Variants in ERMAP observed in about 807,000 individuals in gnomAD.
The protein encoded by ERMAP is erythroblast membrane associated protein (Scianna blood group).
ERMAP carries 34 observed loss-of-function variants against 49.5 expected under a neutral mutation model. The ratio of observed to expected loss-of-function variants is 0.69; its 90% CI spans 0.52 to 0.91. The LOEUF (loss-of-function observed/expected upper bound fraction) is 0.91, where lower values mean the gene tolerates loss of function less well. ERMAP is among the 40% of genes least tolerant of loss of function. The pLI is 0.00. For synonymous variants in ERMAP, 214 were observed against 232.2 expected, an observed-to-expected ratio of 0.92 and a Z score of 0.71; for missense variants, 541 against 582.6, an observed-to-expected ratio of 0.93 and a Z score of 0.74.
intron 4 of ERMAP, 158 bp from the exon 5 acceptor site, chr1:42,834,880 G>C (rs1654846682): frequency 7.8e-6 from 5 of 643,408 alleles, no homozygotes; most frequent in Non-Finnish European, 1.4e-5. Flanking sequence ...GCTATCCAGG[G>C]CTTGAGTTAT....
At chr1:42,835,871 G>A (rs1333754998) in intron 6 of ERMAP, 107 bp downstream of exon 6, 3 of 1,484,018 alleles carry the variant, frequency 2.0e-6, no homozygotes, top group Admixed American at 2.6e-5. Flanking sequence ...TCCATTATCT[G>A]CTATCCTTGG....
Position 42,830,551 on chromosome 1 carries a change from T to G in ERMAP, c.85+18T>G. The G allele has an allele frequency of 1.2e-6, 2 of 1,609,074 alleles. No homozygotes were observed. Among genetic ancestry groups the G allele is most frequent in the Non-Finnish European group, 1.7e-6 (2 of 1,175,398 alleles). ...TGTGTCAGGTAGGAGTTTCTGATCC[T>G]CTTTCCCTGCCTGGTACATGTGATA... On this transcript the variant is annotated intron_variant, in intron 3 of 11. Coordinates refer to ENST00000372517, the MANE Select transcript of ERMAP (RefSeq NM_001017922.2).
intron 2 of ERMAP, among the ~76,000 whole-genome samples, chr1:42,827,615 A>G (rs1654593194): frequency 6.6e-6 from 1 of 152,246 alleles, no homozygotes; most frequent in Admixed American, 6.5e-5. Context: ...TTTTCCTACA[A>G]TAAGTAAGAC....
intron 1 of ERMAP, among the ~76,000 whole-genome samples, chr1:42,825,090 G>A (rs1048000221): frequency 1.3e-5 from 2 of 152,202 alleles, no homozygotes; most frequent in Non-Finnish European, 2.9e-5. Context: ...ATAAAAATGT[G>A]TAATGTATTG....
chr1:42,817,321 G>A (rs1389104531), intron 1 of ERMAP, 68 bp downstream of exon 1: 2 of 1,125,916 alleles, frequency 1.8e-6, no homozygotes, highest in Non-Finnish European at 2.3e-6. Flanking sequence ...TCCTGGGCGG[G>A]GCCGCGCGCC....
chr1:42,830,480 T>A lies in ERMAP; in HGVS notation c.32T>A (p.Leu11His). 1 of 1,614,200 alleles carries A rather than the reference T, an allele frequency of 6.2e-7. No individual in the cohort carries two copies. The highest frequency in any genetic ancestry group is 8.5e-7 in the Non-Finnish European group (1 of 1,180,022). MEMASSAGSW[L>H]SGCLIPLVFL... ...ATGGCGAGTTCTGCTGGCTCCTGGC[T>A]CTCTGGCTGCCTCATCCCTCTCGTC... Residue 11 changes from leucine (L) to histidine (H), a missense_variant, in exon 3 of 12, where the codon CTC (leucine) becomes CAC (histidine). Physicochemically the swap from Leu to His is moderately conservative, Grantham distance 99 (BLOSUM62 -3). Transcript: ENST00000372517.
At position 42,830,941 on chromosome 1, in the gene ERMAP, G is replaced by T. The variant is rs1324725789; in HGVS notation, c.259G>T (p.Asp87Tyr). Residue 87 changes from aspartate (D) to tyrosine (Y), a missense_variant, in exon 4 of 12, where the codon GAT becomes TAT. Transcript: ENST00000372517. Reference sequence around the variant, plus strand: ...CATATTCCGGGATGGGAAGGACCAGGATGAAGATCTGATGCCGGAATATAA... The same window carrying T: ...CATATTCCGGGATGGGAAGGACCAGTATGAAGATCTGATGCCGGAATATAA... ...VHIFRDGKDQ[D>Y]EDLMPEYKGR... 52 of 1,614,114 alleles carry T rather than the reference G, an allele frequency of 3.2e-5. 1 individual carries two copies. The East Asian group carries it at 1.2e-3, about 36-fold the overall frequency.
At chr1:42,831,774 C>T (rs1239535834) in intron 4 of ERMAP, among the ~76,000 whole-genome samples, 1 of 151,578 alleles carries the variant, frequency 6.6e-6, no homozygotes, top group Non-Finnish European at 1.5e-5. Flanking sequence ...TTAGTAGAGA[C>T]AGGGTCTCCC....
rs748633566 is a variant in ERMAP at position 42,840,224 on chromosome 1, C to G, written c.685+46C>G. The G allele has an allele frequency of 6.2e-6, 10 of 1,614,016 alleles. No individual in the cohort carries two copies. The Admixed American group carries it at 1.7e-4, about 27-fold the overall frequency. On this transcript the variant is annotated intron_variant, in intron 10 of 11. Coordinates refer to ENST00000372517, the MANE Select transcript of ERMAP (RefSeq NM_001017922.2). The stretch of plus-strand genomic sequence containing the variant: ...ATTTGACCACCACCCTACAGGAGTT[C>G]TTGATGTCTCTGGTACTTTAATGAT...
chr1:42,825,849 G>A, intron 2 of ERMAP, 111 bp downstream of exon 2: 1 of 1,180,184 alleles, frequency 8.5e-7, no homozygotes, highest in Non-Finnish European at 1.1e-6. Flanking sequence ...ACATTTTCAA[G>A]GGTGAAATGG....
In ERMAP at chr1:42,819,595, A is replaced by G; in HGVS notation, c.-122+2342A>G. On this transcript the variant is annotated intron_variant, in intron 1 of 11. Coordinates refer to ENST00000372517, the MANE Select transcript of ERMAP (RefSeq NM_001017922.2). The surrounding 1 kb of genome is among the most constrained non-coding windows in gnomAD (Gnocchi z 5.1). ...ACTACACTAAGATTATATTCACTTTATTGAATAATATTTTTTCTAGAGTCA... is the reference window on the plus strand; with the variant it reads ...ACTACACTAAGATTATATTCACTTTGTTGAATAATATTTTTTCTAGAGTCA... Among the ~76,000 whole-genome samples the G allele has an allele frequency of 6.6e-6, 1 of 152,288 alleles. No homozygotes were observed. The highest frequency in any genetic ancestry group is 6.5e-5 in the Admixed American group (1 of 15,302).
chr1:42,825,453 C>T, intron 1 of ERMAP, 170 bp from the exon 2 acceptor site: 1 of 1,149,642 alleles, frequency 8.7e-7, no homozygotes, highest in Non-Finnish European at 1.1e-6. Context: ...TCAGTGGTTC[C>T]CTCATTTTTG....
At position 42,840,211 on chromosome 1, in the gene ERMAP, C is replaced by T. The variant is rs752026209; in HGVS notation, c.685+33C>T. On this transcript the variant is annotated intron_variant, in intron 10 of 11. Transcript: ENST00000372517. ...GCACTTTCTCCACATTTGACCACCA[C>T]CCTACAGGAGTTCTTGATGTCTCTG... 6.8e-6 allele frequency: 11 copies of T among 1,614,066 alleles called. No individual in the cohort carries two copies. The Middle Eastern group carries it at 4.9e-4, about 72-fold the overall frequency.
intron 1 of ERMAP, among the ~76,000 whole-genome samples, chr1:42,818,154 T>TG (rs1288805985): frequency 2.0e-5 from 3 of 152,246 alleles, no homozygotes; most frequent in African/African-American, 7.2e-5. Flanking sequence ...AACTGATAGA[T>TG]GCTAAGCAAG....
chr1:42,840,701 A>G (rs911318239), intron 11 of ERMAP, among the ~76,000 whole-genome samples: 1 of 151,728 alleles, frequency 6.6e-6, no homozygotes, highest in Non-Finnish European at 1.5e-5. Flanking sequence ...ATTACTTTTC[A>G]TTTGTACTTC....
intron 4 of ERMAP, among the ~76,000 whole-genome samples, chr1:42,833,790 G>A (rs1654817305): frequency 1.3e-5 from 2 of 152,116 alleles, no homozygotes; most frequent in Non-Finnish European, 2.9e-5. Context: ...CTCCTGAGCT[G>A]TAGTGATACT....
At chr1:42,823,117 AT>A (rs1346840643) in intron 1 of ERMAP, among the ~76,000 whole-genome samples, 3 of 152,222 alleles carry the variant, frequency 2.0e-5, no homozygotes, top group Non-Finnish European at 4.4e-5. Context: ...AATCGTGGAT[AT>A]TCTTTGATAA....
Position 42,839,040 on chromosome 1 carries a change from T to TGGGGA in ERMAP, c.637+120_637+124dup. 3 of 1,501,744 alleles carry TGGGGA rather than the reference T, an allele frequency of 2.0e-6. No homozygotes were observed. The South Asian group carries it at 3.4e-5, about 17-fold the overall frequency. 93.0% of individuals were successfully genotyped at this position (1,501,744 alleles called of 1,614,324 possible). ...GAGGGGGTACTGGTAATTCAAGCCA[T>TGGGGA]GGGGACTGGGGCTTTCTTGGCTCTC... On this transcript the variant is annotated intron_variant, in intron 8 of 11. Coordinates refer to ENST00000372517, the MANE Select transcript of ERMAP (RefSeq NM_001017922.2).
intron 4 of ERMAP, among the ~76,000 whole-genome samples, chr1:42,834,382 G>A (rs1295408598): frequency 6.6e-6 from 1 of 152,156 alleles, no homozygotes; most frequent in African/African-American, 2.4e-5. Context: ...TGGGAAGACT[G>A]GAGGTGTGTA....
Sources: gnomAD v4.1 joint callset for allele counts (sites outside exome capture counted in the v4.1 genomes callset) on GRCh38, gnomAD v4.1.1 for gene constraint, Gnocchi (gnomAD v3.1) non-coding constraint, MANE v1.5 for transcripts, NCBI Gene and HGNC (gene_info 2026-07-23, HGNC 2026-07-21) for gene names.